Variants in ANKFN1 observed in about 807,000 individuals in gnomAD.
ANKFN1 encodes ankyrin repeat and fibronectin type III domain containing 1.
ANKFN1 carries 74 observed loss-of-function variants against 108.7 expected under a neutral mutation model. That is an observed-to-expected ratio of 0.68 (90% confidence interval 0.56 to 0.83). The LOEUF (loss-of-function observed/expected upper bound fraction) is 0.83. Among genes scored for constraint, ANKFN1 ranks in the 40% least tolerant of loss-of-function variants. ANKFN1 has a pLI of 0.00. For missense variants in ANKFN1, 1,505 were observed against 1,382.3 expected, an observed-to-expected ratio of 1.09 and a Z score of -1.41; for synonymous variants, 547 against 516.2, an observed-to-expected ratio of 1.06 and a Z score of -0.81.
chr17:56,387,302 T>TC (rs1315359125), intron 8 of ANKFN1, among the ~76,000 whole-genome samples: 3 of 152,186 alleles, frequency 2.0e-5, no homozygotes, highest in Non-Finnish European at 4.4e-5. Flanking sequence ...CTGTAAATGT[T>TC]CCCCTGAGTA....
chr17:56,245,580 C>G (rs1277660546), intron 3 of ANKFN1: 1 of 152,080 alleles, frequency 6.6e-6, no homozygotes, highest in Non-Finnish European at 1.5e-5. Flanking sequence ...AAAATTTCAT[C>G]AGTAATATTT....
chr17:56,079,682 C>T (rs924771981), intron 4 of ANKFN1, among the ~76,000 whole-genome samples: 1 of 152,178 alleles, frequency 6.6e-6, no homozygotes, highest in Non-Finnish European at 1.5e-5. Context: ...GCTTCCTGCT[C>T]TAGGCAGATA....
chr17:56,378,800 G>A (rs2144800319), intron 8 of ANKFN1, among the ~76,000 whole-genome samples: 1 of 152,140 alleles, frequency 6.6e-6, no homozygotes, highest in East Asian at 1.9e-4. Flanking sequence ...ATTAAAATGT[G>A]TGATGGGGAA....
At chr17:56,369,472 T>C (rs2046752899) in intron 6 of ANKFN1, among the ~76,000 whole-genome samples, 1 of 152,122 alleles carries the variant, frequency 6.6e-6, no homozygotes, top group Admixed American at 6.6e-5. Flanking sequence ...AGAAATTGGA[T>C]TCCCAGAACA....
rs145147076 is a variant in ANKFN1 at position 56,140,660 on chromosome 17, C to T, written c.289-87257C>T. Among the ~76,000 whole-genome samples, 45 of 152,234 alleles carry T rather than the reference C, an allele frequency of 3.0e-4. 1 individual carries two copies. In the South Asian group the frequency reaches 9.1e-3, roughly 31 times the overall value. ...GTTCATCTAAAAAGAAGTGAATATTCTAATAATGCCTGCATCATAGGATTG... is the reference window on the plus strand; with the variant it reads ...GTTCATCTAAAAAGAAGTGAATATTTTAATAATGCCTGCATCATAGGATTG... On this transcript the variant is annotated intron_variant, in intron 4 of 12. Coordinates refer to the ANKFN1 transcript ENST00000635860.
At chr17:56,300,023 G>A (rs1255426891) in intron 3 of ANKFN1, among the ~76,000 whole-genome samples, 1 of 152,164 alleles carries the variant, frequency 6.6e-6, no homozygotes, top group Non-Finnish European at 1.5e-5. Flanking sequence ...AGTGCGAGGT[G>A]CATATGGTAA....
chr17:56,280,008 C>CTTTTTTTTTTTTTTTTTTTTTTTTTT lies in ANKFN1; in HGVS notation c.54-46197_54-46196insTTTTTTTTTTTTTTTTTTTTTTTTTT, dbSNP rs3086033. ...TTTCAGGTTGGGAGCCACATAATGT[C>CTTTTTTTTTTTTTTTTTTTTTTTTTT]TTTTTTTTTTTTTTTTCTCAAGACG... On this transcript the variant is annotated intron_variant, in intron 3 of 20. Coordinates refer to ENST00000682825, the MANE Select transcript of ANKFN1 (RefSeq NM_001370326.1). Among the ~76,000 whole-genome samples the CTTTTTTTTTTTTTTTTTTTTTTTTTT allele has an allele frequency of 1.8e-4, 24 of 134,850 alleles. 2 individuals are homozygous for CTTTTTTTTTTTTTTTTTTTTTTTTTT. Among genetic ancestry groups the CTTTTTTTTTTTTTTTTTTTTTTTTTT allele is most frequent in the African/African-American group, 6.5e-4 (22 of 34,068 alleles). The allele number at this position is 134,850 out of a possible 152,430, so 88.5% of individuals were successfully genotyped here.
At chr17:56,440,572 A>G in intron 9 of ANKFN1, 148 bp downstream of exon 9, 1 of 579,376 alleles carries the variant, frequency 1.7e-6, no homozygotes. Flanking sequence ...TCTGGTATCT[A>G]GAATCTGAAT....
chr17:56,245,568 C>T (rs1917900783), intron 3 of ANKFN1: 1 of 152,086 alleles, frequency 6.6e-6, no homozygotes, highest in South Asian at 2.1e-4. Context: ...GATAGCAATT[C>T]TAAAATTTCA....
chr17:56,348,626 A>G (rs1040162611), intron 4 of ANKFN1, among the ~76,000 whole-genome samples: 1 of 152,150 alleles, frequency 6.6e-6, no homozygotes, highest in African/African-American at 2.4e-5. Flanking sequence ...AAAGATATAC[A>G]TGTGGCCAAT....
At position 56,170,643 on chromosome 17, in the gene ANKFN1, G is replaced by A. The variant is rs140474586; in HGVS notation, c.-71+17113G>A. On this transcript the variant is annotated intron_variant, in intron 1 of 20. Coordinates refer to ENST00000682825, the MANE Select transcript of ANKFN1 (RefSeq NM_001370326.1). ...CCATGCATGGTGGCGCGTGCCCATA[G>A]TCTCAGCCACTTGGGAGGCTGAGGC... Among the ~76,000 whole-genome samples the A allele has an allele frequency of 9.3e-5, 14 of 150,974 alleles. No individual in the cohort carries two copies. The South Asian group carries it at 2.5e-3, about 27-fold the overall frequency.
chr17:56,159,882 G>C (rs934513573), intron 1 of ANKFN1, among the ~76,000 whole-genome samples: 1 of 151,802 alleles, frequency 6.6e-6, no homozygotes, highest in Non-Finnish European at 1.5e-5. Context: ...TAAAATTATA[G>C]GATATAACCA....
intron 6 of ANKFN1, among the ~76,000 whole-genome samples, chr17:56,366,365 G>A (rs1160053834): frequency 1.3e-5 from 2 of 152,180 alleles, no homozygotes; most frequent in Non-Finnish European, 2.9e-5. Context: ...CATAGCTCAA[G>A]AGAAGCTGTC....
At chr17:56,267,051 T>G (rs537315495) in intron 3 of ANKFN1, among the ~76,000 whole-genome samples, 1 of 152,226 alleles carries the variant, frequency 6.6e-6, no homozygotes, top group East Asian at 1.9e-4. Context: ...AATAGGTAGT[T>G]TTTCCGTCCT....
chr17:56,504,723 T>G (rs1022339863), intron 20 of ANKFN1, among the ~76,000 whole-genome samples: 2 of 152,104 alleles, frequency 1.3e-5, no homozygotes, highest in African/African-American at 4.8e-5. Context: ...TGGCACAAAT[T>G]TGGCTCACTG....
chr17:56,358,141 A>G (rs2046422387), intron 6 of ANKFN1, among the ~76,000 whole-genome samples: 1 of 152,186 alleles, frequency 6.6e-6, no homozygotes, highest in African/African-American at 2.4e-5. Context: ...TTCAAAGCAG[A>G]GTGCAGACTC....
chr17:56,196,698 A>G (rs902676396), intron 1 of ANKFN1, among the ~76,000 whole-genome samples: 4 of 152,182 alleles, frequency 2.6e-5, no homozygotes, highest in Non-Finnish European at 5.9e-5. Context: ...CTATTAATGC[A>G]TGACTCCACT....
At chr17:56,066,089 T>C (rs759298943) in intron 4 of ANKFN1, among the ~76,000 whole-genome samples, 16 of 152,340 alleles carry the variant, frequency 1.1e-4, no homozygotes, top group Non-Finnish European at 2.2e-4. Context: ...ACCTGAGACA[T>C]TGGAGGTGGC....
chr17:56,411,856 T>C (rs2048100268), intron 8 of ANKFN1, among the ~76,000 whole-genome samples: 1 of 152,190 alleles, frequency 6.6e-6, no homozygotes, highest in Admixed American at 6.5e-5. Flanking sequence ...TCATGGTAAA[T>C]TATATTTATA....
Sources: allele counts gnomAD v4.1 joint callset (sites outside exome capture counted in the v4.1 genomes callset), GRCh38; gene constraint gnomAD v4.1.1; transcripts MANE v1.5; gene names NCBI Gene and HGNC (gene_info 2026-07-23, HGNC 2026-07-21).